Variants in SLC5A3 observed in about 807,000 individuals in gnomAD.
The protein encoded by SLC5A3 is sodium/myo-inositol cotransporter.
In SLC5A3, 10 loss-of-function variants were observed where a neutral mutation model predicts 43.2. The observed-to-expected ratio is 0.23, with a 90% CI of 0.14 to 0.39. SLC5A3 has a LOEUF of 0.39. SLC5A3 is among the 10% of genes least tolerant of loss of function. The pLI is 1.00. For missense variants in SLC5A3, 608 were observed against 893.4 expected (o/e 0.68, Z 4.07); for synonymous variants, 349 against 322.0 (o/e 1.08, Z -0.90).
intron 1 of SLC5A3, among the ~76,000 whole-genome samples, chr21:34,093,815 G>A (rs186695842): frequency 6.6e-6 from 1 of 152,234 alleles, no homozygotes; most frequent in Admixed American, 6.5e-5. Context: ...TGTCTGTTTT[G>A]CAGAGTGATT....
At chr21:34,091,312 A>G (rs1001440500) in intron 1 of SLC5A3, among the ~76,000 whole-genome samples, 4 of 152,126 alleles carry the variant, frequency 2.6e-5, no homozygotes, top group Non-Finnish European at 4.4e-5. Flanking sequence ...AGTATAGGAG[A>G]TAATTTTTCT....
Position 34,097,086 on chromosome 21 carries a change from G to A in SLC5A3, c.1888G>A (p.Ala630Thr), listed in dbSNP as rs751408052. The change falls in exon 2 of 2, where the codon GCT (alanine) becomes ACT (threonine). Residue 630 changes from alanine (A) to threonine (T), a missense_variant. Coordinates refer to ENST00000381151, the MANE Select transcript of SLC5A3 (RefSeq NM_006933.7). The part of the protein sequence containing the change: ...GHSEAETPVD[A>T]YSNGQAALMG... ...TTCAGAGGCAGAAACACCAGTTGACGCTTACTCCAATGGGCAAGCAGCTCT... is the reference window on the plus strand; with the variant it reads ...TTCAGAGGCAGAAACACCAGTTGACACTTACTCCAATGGGCAAGCAGCTCT... 1.4e-5 allele frequency: 22 copies of A among 1,613,926 alleles called. No individual in the cohort carries two copies. Among genetic ancestry groups the A allele is most frequent in the East Asian group, 2.2e-5 (1 of 44,892 alleles).
intron 1 of SLC5A3, among the ~76,000 whole-genome samples, chr21:34,090,321 A>C (rs1484409690): frequency 6.6e-6 from 1 of 152,228 alleles, no homozygotes; most frequent in South Asian, 2.1e-4. Flanking sequence ...CTCTGCATCA[A>C]GCGTTAGTAG....
chr21:34,075,398 C>T (rs1263346162), intron 1 of SLC5A3, among the ~76,000 whole-genome samples: 1 of 152,158 alleles, frequency 6.6e-6, no homozygotes, highest in Non-Finnish European at 1.5e-5. Context: ...AAGTGTATTT[C>T]TTTTACCATT....
intron 1 of SLC5A3, among the ~76,000 whole-genome samples, 184 bp from the exon 2 acceptor site, chr21:34,094,679 A>G (rs929934527): frequency 1.3e-5 from 2 of 152,248 alleles, no homozygotes; most frequent in East Asian, 1.9e-4. Context: ...TCTCACTGAC[A>G]AAAGTATCAG....
Position 34,106,059 on chromosome 21 carries a change from A to G in SLC5A3, c.*8704A>G, listed in dbSNP as rs1979463691. The G allele has an allele frequency of 3.0e-6, 3 of 998,294 alleles. No homozygotes were observed. The highest frequency in any genetic ancestry group is 5.2e-4 in the Middle Eastern group (1 of 1,912). 61.8% of individuals were successfully genotyped at this position (998,294 alleles called of 1,614,324 possible). A position where few individuals can be genotyped will look rare whatever the true frequency, so the allele number is the denominator to read the frequency against. On this transcript the variant is annotated 3_prime_UTR_variant, in exon 2 of 2. Coordinates refer to ENST00000381151, the MANE Select transcript of SLC5A3 (RefSeq NM_006933.7). The stretch of plus-strand genomic sequence containing the variant: ...TCAGTTTTCATTACTGACTCTGTAA[A>G]ATACACTGTTCTTTGTGTACTGTGT...
rs571892071 is a variant in SLC5A3, at chr21:34,104,712, A to T, written c.*7357A>T. 4.3e-5 allele frequency: 43 copies of T among 1,000,160 alleles called. 1 individual carries two copies. The South Asian group carries it at 1.8e-3, about 43-fold the overall frequency. The allele number at this position is 1,000,160 out of a possible 1,614,324, so 62.0% of individuals were successfully genotyped here. Reference sequence around the variant, plus strand: ...CAGGCCTGGGGGGATGAGGGGAAGAAGATTACCAGAAGTGCAGGAAAGAGA... The same window carrying T: ...CAGGCCTGGGGGGATGAGGGGAAGATGATTACCAGAAGTGCAGGAAAGAGA... On this transcript the variant is annotated 3_prime_UTR_variant, in exon 2 of 2. Transcript: ENST00000381151.
At position 34,104,837 on chromosome 21, in the gene SLC5A3, T is replaced by A; in HGVS notation, c.*7482T>A. The A allele has an allele frequency of 1.0e-6, 1 of 1,000,116 alleles. No individual in the cohort carries two copies. The highest frequency in any genetic ancestry group is 1.2e-6 in the Non-Finnish European group (1 of 829,782). The allele number at this position is 1,000,116 out of a possible 1,614,324, so 62.0% of individuals were successfully genotyped here. A position where few individuals can be genotyped will look rare whatever the true frequency, so the allele number is the denominator to read the frequency against. On this transcript the variant is annotated 3_prime_UTR_variant, in exon 2 of 2. Coordinates refer to ENST00000381151, the MANE Select transcript of SLC5A3 (RefSeq NM_006933.7). ...TGTGTTCTGTACCTTTACATGTTTT[T>A]AAATTTAAGATAGTTTGTAAGAACT...
chr21:34,089,780 C>G (rs1978589373), intron 1 of SLC5A3, among the ~76,000 whole-genome samples: 2 of 152,134 alleles, frequency 1.3e-5, no homozygotes. Flanking sequence ...ACAGCTTCAG[C>G]ACCATTTGAG....
intron 1 of SLC5A3, among the ~76,000 whole-genome samples, chr21:34,076,019 C>T (rs1468902988): frequency 5.3e-5 from 8 of 152,176 alleles, no homozygotes; most frequent in Non-Finnish European, 4.4e-5. Flanking sequence ...GTATCTTCCA[C>T]GTTTTTAGAT....
rs1978998441 is a variant in SLC5A3 at position 34,097,087 on chromosome 21, C to G, written c.1889C>G (p.Ala630Gly). The change falls in exon 2 of 2, where the codon GCT becomes GGT. Residue 630 changes from alanine to glycine, a missense_variant. Transcript: ENST00000381151. ...GHSEAETPVDAYSNGQAALMG... is the reference protein window; with the variant it reads ...GHSEAETPVDGYSNGQAALMG... ...TCAGAGGCAGAAACACCAGTTGACG[C>G]TTACTCCAATGGGCAAGCAGCTCTC... The G allele has an allele frequency of 2.5e-6, 4 of 1,614,064 alleles. No homozygotes were observed. The highest frequency in any genetic ancestry group is 3.4e-6 in the Non-Finnish European group (4 of 1,179,988).
chr21:34,097,669 A>G lies in SLC5A3; in HGVS notation c.*314A>G. 9.4e-7 allele frequency: 1 copy of G among 1,060,522 alleles called. No individual in the cohort carries two copies. The highest frequency in any genetic ancestry group is 3.9e-5 in the South Asian group (1 of 25,658). The allele number at this position is 1,060,522 out of a possible 1,614,324, so 65.7% of individuals were successfully genotyped here. On this transcript the variant is annotated 3_prime_UTR_variant, in exon 2 of 2. Transcript: ENST00000381151. ...CAGAATATATGTTAAGTTACCATGA[A>G]TTAAGGTATACTGTCTGCACTGCCA...
At chr21:34,094,483 T>A (rs1978870276) in intron 1 of SLC5A3, among the ~76,000 whole-genome samples, 1 of 152,182 alleles carries the variant, frequency 6.6e-6, no homozygotes, top group South Asian at 2.1e-4. Context: ...TTTTGTGCCC[T>A]TATTACGAAT....
chr21:34,098,214 A>G lies in SLC5A3; in HGVS notation c.*859A>G. ...AAGCAGTGTTTGATTAACTTATGCT[A>G]ATCAGATGATTACTCATATATTCTG... On this transcript the variant is annotated 3_prime_UTR_variant, in exon 2 of 2. Coordinates refer to ENST00000381151, the MANE Select transcript of SLC5A3 (RefSeq NM_006933.7). The G allele has an allele frequency of 2.0e-6, 2 of 999,304 alleles. No homozygotes were observed. Among genetic ancestry groups the G allele is most frequent in the Non-Finnish European group, 2.4e-6 (2 of 829,174 alleles). The allele number at this position is 999,304 out of a possible 1,614,324, so 61.9% of individuals were successfully genotyped here.
At chr21:34,086,209 G>GGTTTT (rs528305689) in intron 1 of SLC5A3, among the ~76,000 whole-genome samples, 1,823 of 152,196 alleles carry the variant, frequency 0.012, 37 homozygotes, top group South Asian at 0.081. Context: ...ATTAGATTCA[G>GGTTTT]GTTTTGTTTT....
Position 34,096,409 on chromosome 21 carries a change from C to T in SLC5A3, c.1211C>T (p.Ser404Phe). The T allele has an allele frequency of 6.2e-7, 1 of 1,614,196 alleles. No homozygotes were observed. The highest frequency in any genetic ancestry group is 8.5e-7 in the Non-Finnish European group (1 of 1,180,032). The change falls in exon 2 of 2, where the codon TCC (serine) becomes TTC (phenylalanine). Residue 404 changes from serine (S) to phenylalanine (F), a missense_variant. Around this residue, in one of 2 missense-constraint regions of SLC5A3, gnomAD observed 398 missense variants for 668.6 expected, o/e 0.60. Coordinates refer to ENST00000381151, the MANE Select transcript of SLC5A3 (RefSeq NM_006933.7). The surrounding 1 kb of genome is among the most constrained non-coding windows in gnomAD (Gnocchi z 5.9). Reference protein sequence around the residue: ...VYKLIRKSASSRELMIVGRIF... With the variant: ...VYKLIRKSASFRELMIVGRIF... ...AAACTTATCCGCAAGAGCGCAAGCTCCCGGGAGTTAATGATTGTGGGGAGG... is the reference window on the plus strand; with the variant it reads ...AAACTTATCCGCAAGAGCGCAAGCTTCCGGGAGTTAATGATTGTGGGGAGG...
intron 1 of SLC5A3, among the ~76,000 whole-genome samples, chr21:34,088,768 C>T (rs1239635601): frequency 1.3e-5 from 2 of 152,008 alleles, no homozygotes; most frequent in Non-Finnish European, 2.9e-5. Context: ...GTAAAATGGT[C>T]ATAATAATTG....
Position 34,101,363 on chromosome 21 carries a change from G to T in SLC5A3, c.*4008G>T. On this transcript the variant is annotated 3_prime_UTR_variant, in exon 2 of 2. Transcript: ENST00000381151. ...TTTGATGTTAAGCATTATAAAGTAC[G>T]AAGTTTGTTACCACAGTAGAGATAA... The T allele has an allele frequency of 1.0e-6, 1 of 1,000,092 alleles. No homozygotes were observed. The highest frequency in any genetic ancestry group is 1.2e-6 in the Non-Finnish European group (1 of 829,882). The allele number at this position is 1,000,092 out of a possible 1,614,324, so 62.0% of individuals were successfully genotyped here. A position where few individuals can be genotyped will look rare whatever the true frequency, so the allele number is the denominator to read the frequency against.
chr21:34,075,753 A>C (rs1306316277), intron 1 of SLC5A3, among the ~76,000 whole-genome samples: 1 of 152,226 alleles, frequency 6.6e-6, no homozygotes, highest in Non-Finnish European at 1.5e-5. Flanking sequence ...GTAGCTTGTA[A>C]ATGTGGCACA....
Sources: allele counts gnomAD v4.1 joint callset (sites outside exome capture counted in the v4.1 genomes callset), GRCh38; gene constraint gnomAD v4.1.1; regional missense constraint gnomAD v4.1.1; non-coding constraint Gnocchi (gnomAD v3.1); transcripts MANE v1.5; gene names NCBI Gene and HGNC (gene_info 2026-07-23, HGNC 2026-07-21).